PSD2: variants seen among roughly 807,000 people sequenced by gnomAD.
PSD2 encodes the protein pleckstrin and Sec7 domain containing 2.
A neutral mutation model predicts 69.8 loss-of-function variants in PSD2; 38 were observed. The ratio of observed to expected loss-of-function variants is 0.54; its 90% CI spans 0.42 to 0.71. The LOEUF is 0.71. Among genes scored for constraint, PSD2 ranks in the 30% least tolerant of loss-of-function variants. The probability of loss-of-function intolerance (pLI) is 0.00; values close to 1 mark genes in which losing one functional copy is unlikely to be tolerated. For synonymous variants in PSD2, 412 were observed against 423.0 expected (o/e 0.97, Z 0.32); for missense variants, 943 against 1,014.5 (o/e 0.93, Z 0.96).
the PSD2 span, among the ~76,000 whole-genome samples, chr5:139,781,747 C>A: frequency 6.6e-6 from 1 of 151,872 alleles, no homozygotes; most frequent in Non-Finnish European, 1.5e-5. Flanking sequence ...GATTCTCCTG[C>A]GTCAGCCTCC....
chr5:139,746,589 C>T, the PSD2 span, among the ~76,000 whole-genome samples: 1 of 152,174 alleles, frequency 6.6e-6, no homozygotes, highest in Non-Finnish European at 1.5e-5. This position sits in a 1 kb window ranked among gnomAD's most constrained non-coding sequence, Gnocchi z 4.5. Context: ...GAGGCACCCC[C>T]GCTTCTTTGT....
chr5:139,833,610 T>G (rs117273720), intron 7 of PSD2, 92 bp from the exon 8 acceptor site: 19,435 of 845,790 alleles, frequency 0.023, 297 homozygotes, highest in East Asian at 0.063. Context: ...CCCTTAATGC[T>G]GCCTCATCCC....
At chr5:139,811,042 T>C (rs1420215534) in intron 2 of PSD2, among the ~76,000 whole-genome samples, 1 of 152,166 alleles carries the variant, frequency 6.6e-6, no homozygotes, top group Non-Finnish European at 1.5e-5. Context: ...TGGATGTCTC[T>C]AGTGCCCAGC....
intron 1 of PSD2, among the ~76,000 whole-genome samples, chr5:139,801,034 G>A (rs540061104): frequency 1.6e-4 from 24 of 152,060 alleles, no homozygotes; most frequent in Non-Finnish European, 2.5e-4. Context: ...ACGAAATTCC[G>A]TCTCTACTAA....
rs1760739048 is a variant in PSD2 at position 139,837,004 on chromosome 5, G to A, written c.1594+3G>A. ...CGCTGACATGGATGGCAAGAGGAGT[G>A]GGTGTCAGGCTGGGAGAGGGGCATG... On this transcript the variant is annotated splice_donor_region_variant and intron_variant, in intron 10 of 14. Transcript: ENST00000274710. The surrounding 1 kb of genome is among the most constrained non-coding windows in gnomAD (Gnocchi z 5.0). 6.2e-7 allele frequency: 1 copy of A among 1,610,704 alleles called. No homozygotes were observed.
rs1759911480 is a variant in PSD2, at chr5:139,809,761, G to C, written c.321G>C (p.Gly107=). 6.2e-7 allele frequency: 1 copy of C among 1,614,186 alleles called. No individual in the cohort carries two copies. Among genetic ancestry groups the C allele is most frequent in the Non-Finnish European group, 8.5e-7 (1 of 1,180,022 alleles). ...RPWRAGVLAE[G]DNASRSLYPD... is the part of the protein sequence containing the mutation. ...GGAGGGCTGGCGTGCTGGCAGAGGGGGACAATGCTTCCAGGAGCCTCTACC... is the reference window on the plus strand; with the variant it reads ...GGAGGGCTGGCGTGCTGGCAGAGGGCGACAATGCTTCCAGGAGCCTCTACC... The change falls in exon 2 of 15, where the codon GGG becomes GGC. Residue 107 remains glycine, a synonymous_variant. Transcript: ENST00000274710.
At chr5:139,792,735 T>C (rs908070079), upstream of PSD2, among the ~76,000 whole-genome samples, 1 of 151,254 alleles carries the variant, frequency 6.6e-6, no homozygotes, top group Admixed American at 6.6e-5. Context: ...TCTTTCTCTC[T>C]TTCTTTTTTC....
the PSD2 span, among the ~76,000 whole-genome samples, chr5:139,773,558 G>A: frequency 1.3e-5 from 2 of 152,134 alleles, no homozygotes; most frequent in Non-Finnish European, 2.9e-5. Context: ...ACTACCCTAG[G>A]TACATCATAT....
intron 2 of PSD2, among the ~76,000 whole-genome samples, 174 bp downstream of exon 2, chr5:139,809,985 G>A (rs765690878): frequency 2.6e-5 from 4 of 152,006 alleles, no homozygotes; most frequent in Admixed American, 6.5e-5. Context: ...AGCCTTGACG[G>A]AGAATTCAAA....
chr5:139,813,665 T>A lies in PSD2; in HGVS notation c.728T>A (p.Met243Lys). The A allele has an allele frequency of 6.2e-7, 1 of 1,613,898 alleles. No homozygotes were observed. Among genetic ancestry groups the A allele is most frequent in the Non-Finnish European group, 8.5e-7 (1 of 1,179,956 alleles). Reference protein sequence around the residue: ...NVLSRLSLMAMPNGFHEDGPQ... With the variant: ...NVLSRLSLMAKPNGFHEDGPQ... ...CTGAGCCGCCTGTCTCTCATGGCCATGCCCAATGGATTCCATGAAGATGGC... is the reference window on the plus strand; with the variant it reads ...CTGAGCCGCCTGTCTCTCATGGCCAAGCCCAATGGATTCCATGAAGATGGC... Residue 243 changes from methionine (M) to lysine (K), a missense_variant, in exon 3 of 15, where the codon ATG (methionine) becomes AAG (lysine). Met to Lys is a moderately conservative substitution (Grantham distance 95). Around this residue, in one of 3 missense-constraint regions of PSD2, gnomAD observed 466 missense variants for 445.0 expected, o/e 1.05. Transcript: ENST00000274710.
the PSD2 span, among the ~76,000 whole-genome samples, chr5:139,776,021 C>G: frequency 6.6e-6 from 1 of 152,216 alleles, no homozygotes; most frequent in African/African-American, 2.4e-5. Flanking sequence ...TGCCTCATCC[C>G]CCTCCAAGAC....
intron 5 of PSD2, among the ~76,000 whole-genome samples, chr5:139,817,944 G>A (rs1760162733): frequency 1.3e-5 from 2 of 152,176 alleles, no homozygotes; most frequent in Non-Finnish European, 2.9e-5. Context: ...TGGGCCAGAG[G>A]GATAAAGAGA....
intron 2 of PSD2, among the ~76,000 whole-genome samples, chr5:139,810,373 C>T (rs892003109): frequency 6.6e-6 from 1 of 152,160 alleles, no homozygotes; most frequent in Non-Finnish European, 1.5e-5. Context: ...GTTGGACAAG[C>T]AGGGCAGGGA....
rs766537696 is a variant in PSD2, at chr5:139,813,350, G to C, written c.413G>C (p.Ser138Thr). The C allele has an allele frequency of 6.3e-7, 1 of 1,580,820 alleles. No homozygotes were observed. The change falls in exon 3 of 15, where the codon AGC becomes ACC. Residue 138 changes from serine to threonine, a missense_variant. Around this residue, in one of 3 missense-constraint regions of PSD2, gnomAD observed 466 missense variants for 445.0 expected, o/e 1.05. Transcript: ENST00000274710. ...GAGCCAGATGTGCGGGATGGCTTCA[G>C]CGCCACGTTTGAGAAGATTCTGGAG... ...PGEPDVRDGF[S>T]ATFEKILESE...
chr5:139,836,362 G>A (rs1205190511), intron 9 of PSD2, among the ~76,000 whole-genome samples: 1 of 152,188 alleles, frequency 6.6e-6, no homozygotes, highest in African/African-American at 2.4e-5. Context: ...GGGAAGAGCT[G>A]GCACTCTTCT....
chr5:139,834,073 A>T (rs995958038), intron 8 of PSD2, among the ~76,000 whole-genome samples: 1 of 152,128 alleles, frequency 6.6e-6, no homozygotes, highest in Non-Finnish European at 1.5e-5. Flanking sequence ...GCTGCCACCC[A>T]CCACAACCGC....
upstream of PSD2, among the ~76,000 whole-genome samples, chr5:139,792,820 C>CCCTTCCTT (rs1183802965): frequency 6.9e-6 from 1 of 145,340 alleles, no homozygotes; most frequent in Non-Finnish European, 1.5e-5. Flanking sequence ...TTCCTTCCTT[C>CCCTTCCTT]CCTTCCTTCC....
In PSD2 at chr5:139,840,176, C is replaced by T. The variant is rs768589081; in HGVS notation, c.2112+6C>T. The T allele has an allele frequency of 1.2e-6, 2 of 1,613,514 alleles. No individual in the cohort carries two copies. Among genetic ancestry groups the T allele is most frequent in the South Asian group, 2.2e-5 (2 of 91,030 alleles). On this transcript the variant is annotated splice_donor_region_variant and intron_variant, in intron 14 of 14. Coordinates refer to ENST00000274710, the MANE Select transcript of PSD2 (RefSeq NM_032289.4). ...AGCACTATCTCACCTTCGAGGTGAGCCTTGGGGGACTGGATTGCAAAGCCC... is the reference window on the plus strand; with the variant it reads ...AGCACTATCTCACCTTCGAGGTGAGTCTTGGGGGACTGGATTGCAAAGCCC...
chr5:139,822,879 C>T, intron 7 of PSD2, 95 bp downstream of exon 7: 1 of 1,134,130 alleles, frequency 8.8e-7, no homozygotes, highest in Non-Finnish European at 1.2e-6. Context: ...TACTCAGTGG[C>T]CGGGCTTCTT....
Sources: allele counts gnomAD v4.1 joint callset (sites outside exome capture counted in the v4.1 genomes callset), GRCh38; gene constraint gnomAD v4.1.1; regional missense constraint gnomAD v4.1.1; non-coding constraint Gnocchi (gnomAD v3.1); transcripts MANE v1.5; gene names NCBI Gene and HGNC (gene_info 2026-07-23, HGNC 2026-07-21).